Variants in CPSF1 observed in about 807,000 individuals in gnomAD.
CPSF1 encodes the protein cleavage and polyadenylation specificity factor subunit 1.
In CPSF1, 106 loss-of-function variants were observed where a neutral mutation model predicts 175.8. That is an observed-to-expected ratio of 0.60 (90% confidence interval 0.52 to 0.71). CPSF1 has a LOEUF of 0.71. Ranked by LOEUF, CPSF1 falls within the 30% of genes least tolerant of loss-of-function variation. CPSF1 has a pLI of 0.00. For missense variants in CPSF1, 1,734 were observed against 2,022.9 expected (o/e 0.86, Z 2.74); for synonymous variants, 1,024 against 858.3 (o/e 1.19, Z -3.37).
chr8:144,396,781 C>T, intron 24 of CPSF1, 40 bp from the exon 25 acceptor site: 1 of 1,613,010 alleles, frequency 6.2e-7, no homozygotes, highest in Non-Finnish European at 8.5e-7. Flanking sequence ...GGCTGCCGGT[C>T]TGAAACCCAC....
Position 144,396,666 on chromosome 8 carries a change from CCTCTGCGCCGCCACCTT to C in CPSF1, c.2741_2757del (p.Glu914GlyfsTer89). ...ACGCGGCCCCGGGCCCCAGCCCCCT[CCTCTGCGCCGCCACCTT>C]CTGCTTTCTTCTTGGATGGCTTTGG... On this transcript the variant is annotated frameshift_variant, in exon 25 of 38. Transcript: ENST00000616140. LOFTEE classifies it high-confidence loss of function. 6.2e-7 allele frequency: 1 copy of C among 1,613,892 alleles called. No individual in the cohort carries two copies. The highest frequency in any genetic ancestry group is 8.5e-7 in the Non-Finnish European group (1 of 1,180,024).
In CPSF1 at chr8:144,394,010, C is replaced by T. The variant is rs1487324597; in HGVS notation, c.3888G>A (p.Leu1296=). The T allele has an allele frequency of 1.2e-6, 2 of 1,612,586 alleles. No individual in the cohort carries two copies. Among genetic ancestry groups the T allele is most frequent in the Non-Finnish European group, 1.7e-6 (2 of 1,179,262 alleles). ...CCACGTGGAAGTCTGCCCGACGCAG[C>T]AGGCGCATGCCCCCGAAACTCTCCT... ...EAKESFGGMR[L]LRRADFHVGA... is the part of the protein sequence containing the mutation. Residue 1296 remains leucine, a synonymous_variant, in exon 35 of 38, where the codon CTG becomes CTA. Coordinates refer to ENST00000616140, the MANE Select transcript of CPSF1 (RefSeq NM_013291.3).
At position 144,398,138 on chromosome 8, in the gene CPSF1, G is replaced by A; in HGVS notation, c.1895-6C>T. 6.3e-7 allele frequency: 1 copy of A among 1,589,938 alleles called. No individual in the cohort carries two copies. The highest frequency in any genetic ancestry group is 1.1e-5 in the South Asian group (1 of 88,250). On this transcript the variant is annotated splice_polypyrimidine_tract_variant and splice_region_variant and intron_variant, in intron 19 of 37. Transcript: ENST00000616140. Reference sequence around the variant, plus strand: ...GATGAAGTGCAGCTGATTCACTGTAGGCATGGGGCAGTCAGCATGCGCCTC... The same window carrying A: ...GATGAAGTGCAGCTGATTCACTGTAAGCATGGGGCAGTCAGCATGCGCCTC...
In CPSF1 at chr8:144,399,238, C is replaced by T. The variant is rs200296221; in HGVS notation, c.1393-36G>A. 6.0e-5 allele frequency: 97 copies of T among 1,611,682 alleles called. No individual in the cohort carries two copies. The highest frequency in any genetic ancestry group is 1.6e-4 in the Middle Eastern group (1 of 6,080). On this transcript the variant is annotated intron_variant, in intron 14 of 37. Transcript: ENST00000616140. The surrounding 1 kb of genome is among the most constrained non-coding windows in gnomAD (Gnocchi z 6.4). ...GCAAGAGTCAGGGGCCCGCTGGGGGCGCTGGCTGGGACGGGGGCCCTGCTG... is the reference window on the plus strand; with the variant it reads ...GCAAGAGTCAGGGGCCCGCTGGGGGTGCTGGCTGGGACGGGGGCCCTGCTG...
At position 144,399,827 on chromosome 8, in the gene CPSF1, C is replaced by T; in HGVS notation, c.1073G>A (p.Arg358Gln). ...GGCCGCCTTGTCAAAGTGGAACGCT[C>T]GGACACTGCGCATGCCGTCGGTGAT... ...TLITDGMRSV[R>Q]AFHFDKAAAS... The change falls in exon 11 of 38, where the codon CGA becomes CAA. Residue 358 changes from arginine to glutamine, a missense_variant. Transcript: ENST00000616140. The surrounding 1 kb of genome is among the most constrained non-coding windows in gnomAD (Gnocchi z 6.4). 5 of 1,556,356 alleles carry T rather than the reference C, an allele frequency of 3.2e-6. No individual in the cohort carries two copies. Among genetic ancestry groups the T allele is most frequent in the Non-Finnish European group, 3.5e-6 (4 of 1,150,464 alleles).
chr8:144,409,314 G>A lies in CPSF1; in HGVS notation c.-40C>T, dbSNP rs1347394686. 8 of 540,150 alleles carry A rather than the reference G, an allele frequency of 1.5e-5. No homozygotes were observed. The highest frequency in any genetic ancestry group is 2.0e-5 in the African/African-American group (1 of 49,816). 33.5% of individuals were successfully genotyped at this position (540,150 alleles called of 1,614,324 possible). The stretch of plus-strand genomic sequence containing the variant: ...CTGGCAGTTGGAGCCGACTCGAGAG[G>A]AACCGGGACAGCAGCGAACTCAGTC... On this transcript the variant is annotated 5_prime_UTR_variant, in exon 1 of 38. Transcript: ENST00000616140.
Position 144,400,754 on chromosome 8 carries a change from G to T in CPSF1, c.603C>A (p.Leu201=), listed in dbSNP as rs2116877918. 1.4e-5 allele frequency: 22 copies of T among 1,613,880 alleles called. No homozygotes were observed. The highest frequency in any genetic ancestry group is 1.9e-5 in the Non-Finnish European group (22 of 1,179,942). Residue 201 remains leucine, a synonymous_variant, in exon 7 of 38, where the codon CTC becomes CTA. Coordinates refer to ENST00000616140, the MANE Select transcript of CPSF1 (RefSeq NM_013291.3). ...GCAGGAACTGCAGGTCGATGATGTT[G>T]AGCAGCTTCTCGTCTAGGGCCCGCA... The part of the protein sequence containing the change: ...IDVRALDEKL[L]NIIDLQFLHG...
rs568681843 is a variant in CPSF1 at position 144,394,356 on chromosome 8, G to A, written c.3744+23C>T. On this transcript the variant is annotated intron_variant, in intron 32 of 37. Coordinates refer to ENST00000616140, the MANE Select transcript of CPSF1 (RefSeq NM_013291.3). ...CTTGGGCGGGTACCCACCCAGACAC[G>A]AGCACCGCCGCCACAGGTGTACCCG... is the stretch of plus-strand genomic sequence containing the variant. 742 of 1,590,850 alleles carry A rather than the reference G, an allele frequency of 4.7e-4. 12 individuals are homozygous for A. In the South Asian group the frequency reaches 7.8e-3, roughly 17 times the overall value.
At chr8:144,406,904 G>T (rs1288062897) in intron 2 of CPSF1, among the ~76,000 whole-genome samples, 3 of 152,224 alleles carry the variant, frequency 2.0e-5, no homozygotes, top group Admixed American at 6.5e-5. Flanking sequence ...TATGACAGAA[G>T]GTTAACAGTG....
chr8:144,398,891 G>A (rs1820978278), intron 16 of CPSF1, 23 bp from the exon 17 acceptor site: 3 of 1,609,144 alleles, frequency 1.9e-6, no homozygotes, highest in Non-Finnish European at 1.7e-6. Flanking sequence ...TGGGGTGGGG[G>A]TGTGATGGGG....
chr8:144,395,661 G>C, intron 26 of CPSF1, 110 bp from the exon 27 acceptor site: 1 of 905,024 alleles, frequency 1.1e-6, no homozygotes, highest in South Asian at 1.6e-5. Flanking sequence ...TGTGGGAGCA[G>C]GGGTGGGTGA....
chr8:144,395,372 G>T lies in CPSF1; in HGVS notation c.3097-17C>A. The stretch of plus-strand genomic sequence containing the variant: ...AGCATACACCTGTGGGTTAGTGAGG[G>T]TCACACACCAGTGGCCCGGCCAGGC... On this transcript the variant is annotated splice_polypyrimidine_tract_variant and intron_variant, in intron 27 of 37. Transcript: ENST00000616140. The T allele has an allele frequency of 1.2e-6, 2 of 1,612,926 alleles. No individual in the cohort carries two copies. The highest frequency in any genetic ancestry group is 1.7e-6 in the Non-Finnish European group (2 of 1,179,764).
intron 2 of CPSF1, among the ~76,000 whole-genome samples, chr8:144,404,010 T>C (rs1489199560): frequency 4.0e-5 from 6 of 149,042 alleles, no homozygotes; most frequent in African/African-American, 1.5e-4. Flanking sequence ...AGGTAAGGAG[T>C]TCGAGACCAG....
At chr8:144,407,714 A>C (rs2116909228) in intron 2 of CPSF1, among the ~76,000 whole-genome samples, 26 of 152,272 alleles carry the variant, frequency 1.7e-4, no homozygotes, top group African/African-American at 6.0e-4. Context: ...GAAAAACAAA[A>C]AAAAAAATTA....
In CPSF1 at chr8:144,394,690, G is replaced by A; in HGVS notation, c.3521C>T (p.Ala1174Val). ...YEKEQKGPVT[A>V]LCHCNGHLVS... ...CAGGTGGCCATTGCAGTGGCACAGGGCGGTCACGGGCCCCTTCTGCTCCTT... is the reference window on the plus strand; with the variant it reads ...CAGGTGGCCATTGCAGTGGCACAGGACGGTCACGGGCCCCTTCTGCTCCTT... The change falls in exon 31 of 38, where the codon GCC (alanine) becomes GTC (valine). Residue 1174 changes from alanine to valine, a missense_variant. Coordinates refer to ENST00000616140, the MANE Select transcript of CPSF1 (RefSeq NM_013291.3). 6.2e-7 allele frequency: 1 copy of A among 1,612,498 alleles called. No homozygotes were observed.
In CPSF1 at chr8:144,399,362, A is replaced by G. The variant is rs1201826025; in HGVS notation, c.1306T>C (p.Ser436Pro). Residue 436 changes from serine to proline, a missense_variant, in exon 14 of 38, where the codon TCG becomes CCG. Ser to Pro is a moderately conservative substitution (Grantham distance 74). This residue lies in a region of CPSF1 where 162 missense variants were observed against 169.5 expected (regional missense o/e 0.96). Transcript: ENST00000616140. The surrounding 1 kb of genome is among the most constrained non-coding windows in gnomAD (Gnocchi z 6.4). ...ATAGWSAAGK[S>P]VPQDEVDEIE... is the part of the protein sequence containing the mutation. ...TCGTCCACCTCATCCTGCGGCACCG[A>G]CTTACCCGCAGCTGCACACAGAGAG... 8.1e-6 allele frequency: 13 copies of G among 1,612,520 alleles called. No homozygotes were observed. The highest frequency in any genetic ancestry group is 9.3e-6 in the Non-Finnish European group (11 of 1,179,936).
At chr8:144,395,672 G>A (rs1302640348) in intron 26 of CPSF1, 121 bp from the exon 27 acceptor site, 3 of 799,476 alleles carry the variant, frequency 3.8e-6, no homozygotes, top group African/African-American at 1.7e-5. Flanking sequence ...GGGTGGGTGA[G>A]GGGCAGCTGT....
At position 144,400,745 on chromosome 8, in the gene CPSF1, G is replaced by C. The variant is rs151069125; in HGVS notation, c.612C>G (p.Ile204Met). The change falls in exon 7 of 38, where the codon ATC (isoleucine) becomes ATG (methionine). Residue 204 changes from isoleucine (I) to methionine (M), a missense_variant. Ile to Met is a conservative substitution (Grantham distance 10). This residue lies in a region of CPSF1 where 122 missense variants were observed against 177.2 expected (regional missense o/e 0.69). Coordinates refer to ENST00000616140, the MANE Select transcript of CPSF1 (RefSeq NM_013291.3). ...RALDEKLLNIIDLQFLHGYYE... is the reference protein window; with the variant it reads ...RALDEKLLNIMDLQFLHGYYE... ...AGTAGCCATGCAGGAACTGCAGGTC[G>C]ATGATGTTGAGCAGCTTCTCGTCTA... The C allele has an allele frequency of 1.7e-5, 27 of 1,613,830 alleles. No individual in the cohort carries two copies. The highest frequency in any genetic ancestry group is 1.6e-4 in the African/African-American group (12 of 75,062).
chr8:144,397,406 T>C lies in CPSF1; in HGVS notation c.2393A>G (p.Gln798Arg). ...GAACACCAGCCGCCAGTCGGGAAGC[T>C]GGTAGATCTGCAGGGTGGGCAGCAG... is the stretch of plus-strand genomic sequence containing the variant. ...VRENGTMEIY[Q>R]LPDWRLVFLV... The change falls in exon 23 of 38, where the codon CAG becomes CGG. Residue 798 changes from glutamine (Q) to arginine (R), a missense_variant. By Grantham distance (43) the Gln-to-Arg change is conservative. Transcript: ENST00000616140. The C allele has an allele frequency of 6.4e-7, 1 of 1,574,164 alleles. No individual in the cohort carries two copies. Among genetic ancestry groups the C allele is most frequent in the South Asian group, 1.2e-5 (1 of 86,784 alleles).
Sources: allele counts gnomAD v4.1 joint callset (sites outside exome capture counted in the v4.1 genomes callset), GRCh38; gene constraint gnomAD v4.1.1; regional missense constraint gnomAD v4.1.1; non-coding constraint Gnocchi (gnomAD v3.1); transcripts MANE v1.5; gene names NCBI Gene and HGNC (gene_info 2026-07-23, HGNC 2026-07-21).